The following TBX1 variants were observed in gnomAD, a reference collection of about 807,000 sequenced individuals.
The protein encoded by TBX1 is T-box transcription factor TBX1.
In TBX1, 16 loss-of-function variants were observed where a neutral mutation model predicts 40.8. The observed-to-expected ratio is 0.39, with a 90% CI of 0.27 to 0.60. TBX1 has a LOEUF of 0.60. Ranked by LOEUF, TBX1 falls within the 20% of genes least tolerant of loss-of-function variation. TBX1 has a pLI of 0.51. For missense variants in TBX1, 755 were observed against 728.5 expected (o/e 1.04, Z -0.42); for synonymous variants, 403 against 336.8 (o/e 1.20, Z -2.15).
rs1360989561 is a variant in TBX1, at chr22:19,765,992, C to T, written c.1026C>T (p.Gly342=). 1.1e-5 allele frequency: 17 copies of T among 1,511,566 alleles called. No homozygotes were observed. Among genetic ancestry groups the T allele is most frequent in the Non-Finnish European group, 1.4e-5 (16 of 1,136,104 alleles). 93.6% of individuals were successfully genotyped at this position (1,511,566 alleles called of 1,614,324 possible). The part of the protein sequence containing the change: ...NPVASPTQPS[G]TEKDAAEARR... The stretch of plus-strand genomic sequence containing the variant: ...TGGCTTCCCCGACGCAGCCCAGCGG[C>T]ACGGAGAAAGGTAGGGCCGGGGTCG... The change falls in exon 6 of 7, where the codon GGC becomes GGT. Residue 342 remains glycine (G), a synonymous_variant. Transcript: ENST00000649276.
chr22:19,766,584 T>TGGAGGCGCCCGGCGCATC lies in TBX1; in HGVS notation c.1237_1254dup (p.Ala413_Glu418dup), dbSNP rs1936856830. 1 of 1,471,202 alleles carries TGGAGGCGCCCGGCGCATC rather than the reference T, an allele frequency of 6.8e-7. No individual in the cohort carries two copies. The highest frequency in any genetic ancestry group is 9.0e-7 in the Non-Finnish European group (1 of 1,115,624). 91.1% of individuals were successfully genotyped at this position (1,471,202 alleles called of 1,614,324 possible). ...AGTCCCCCGAACCCCGAGCTGCGCC[T>TGGAGGCGCCCGGCGCATC]GGAGGCGCCCGGCGCATCGGAGCCG... On this transcript the variant is annotated inframe_insertion, in exon 7 of 7. Transcript: ENST00000649276.
chr22:19,760,343 G>A (rs1314381805), upstream of TBX1, among the ~76,000 whole-genome samples: 2 of 150,264 alleles, frequency 1.3e-5, no homozygotes, highest in African/African-American at 4.9e-5. Context: ...TGGAGGAAAA[G>A]GGGAAGAGGC....
In TBX1 at chr22:19,766,888, C is replaced by T. The variant is rs371856634; in HGVS notation, c.*21C>T. ...GATAACACGGGCCCTGTCGCGCTCC[C>T]GCCCCGGTCCTGCACAGCCCCGAAG... On this transcript the variant is annotated 3_prime_UTR_variant, in exon 7 of 7. Coordinates refer to ENST00000649276, the MANE Select transcript of TBX1 (RefSeq NM_001379200.1). 1.7e-5 allele frequency: 27 copies of T among 1,583,542 alleles called. No individual in the cohort carries two copies. Among genetic ancestry groups the T allele is most frequent in the African/African-American group, 4.1e-5 (3 of 73,634 alleles).
chr22:19,765,746 A>G lies in TBX1; in HGVS notation c.868-12A>G, dbSNP rs748639207. On this transcript the variant is annotated splice_polypyrimidine_tract_variant and intron_variant, in intron 4 of 6. Coordinates refer to ENST00000649276, the MANE Select transcript of TBX1 (RefSeq NM_001379200.1). ...GGGCTCCAGCGGCTTGCTCACACCC[A>G]CCTCCCTGCAGATCACGCAGCTCAA... is the stretch of plus-strand genomic sequence containing the variant. The G allele has an allele frequency of 2.5e-6, 4 of 1,609,930 alleles. No homozygotes were observed. The highest frequency in any genetic ancestry group is 1.1e-5 in the South Asian group (1 of 90,634).
At chr22:19,783,214 T>G (rs1601311703), downstream of TBX1, 1 of 628,658 alleles carries the variant, frequency 1.6e-6, no homozygotes, top group Non-Finnish European at 2.9e-6. Context: ...AGAATGGCTG[T>G]TATGCTGCTC....
downstream of TBX1, among the ~76,000 whole-genome samples, chr22:19,768,995 C>G (rs1322281333): frequency 1.0e-5 from 1 of 97,144 alleles, no homozygotes; most frequent in African/African-American, 3.5e-5. Context: ...GAGTCGCGCT[C>G]TGTCGCCCAG....
At chr22:19,777,038 G>GT (rs963923644) in intron 8 of TBX1, among the ~76,000 whole-genome samples, 34 of 151,788 alleles carry the variant, frequency 2.2e-4, no homozygotes, top group African/African-American at 7.7e-4. Context: ...GAACATTAAG[G>GT]TTTTTTTAAA....
intron 2 of TBX1, 59 bp from the exon 3 acceptor site, chr22:19,764,096 C>G: frequency 1.3e-6 from 2 of 1,593,526 alleles, no homozygotes; most frequent in South Asian, 1.1e-5. Flanking sequence ...GCCCAGCACA[C>G]GGGTCAAGGC....
At chr22:19,779,906 G>A (rs1398276347), downstream of TBX1, among the ~76,000 whole-genome samples, 11 of 152,188 alleles carry the variant, frequency 7.2e-5, no homozygotes, top group Non-Finnish European at 1.3e-4. Context: ...GAGGCACCAC[G>A]GTGAGGCCAA....
Position 19,766,960 on chromosome 22 carries a change from T to G in TBX1, c.*93T>G. ...GCCCCAAGGGCAAGCAAGGAATACGTTCCCCCAGCCCCAGGGGCCACCGCG... is the reference window on the plus strand; with the variant it reads ...GCCCCAAGGGCAAGCAAGGAATACGGTCCCCCAGCCCCAGGGGCCACCGCG... On this transcript the variant is annotated 3_prime_UTR_variant, in exon 7 of 7. Coordinates refer to ENST00000649276, the MANE Select transcript of TBX1 (RefSeq NM_001379200.1). The G allele has an allele frequency of 1.7e-5, 26 of 1,502,078 alleles. No homozygotes were observed. The highest frequency in any genetic ancestry group is 2.6e-5 in the East Asian group (1 of 38,456). 93.0% of individuals were successfully genotyped at this position (1,502,078 alleles called of 1,614,324 possible).
At position 19,767,198 on chromosome 22, in the gene TBX1, C is replaced by G; in HGVS notation, c.*331C>G. 2 of 1,108,456 alleles carry G rather than the reference C, an allele frequency of 1.8e-6. No homozygotes were observed. The highest frequency in any genetic ancestry group is 1.1e-6 in the Non-Finnish European group (1 of 909,938). The allele number at this position is 1,108,456 out of a possible 1,614,324, so 68.7% of individuals were successfully genotyped here. On this transcript the variant is annotated 3_prime_UTR_variant, in exon 7 of 7. Transcript: ENST00000649276. ...ATTGTTCTCCCCGAGACCGCGTCGC[C>G]CGCGGCCCGGCCGGCAGTTGCAGTG... is the stretch of plus-strand genomic sequence containing the variant.
At chr22:19,780,863 A>G (rs1455331660), downstream of TBX1, among the ~76,000 whole-genome samples, 2 of 146,466 alleles carry the variant, frequency 1.4e-5, no homozygotes, top group South Asian at 2.2e-4. Flanking sequence ...GCTCACTGCA[A>G]GCTCTGCCTC....
chr22:19,777,535 C>T (rs1937084878), intron 8 of TBX1, among the ~76,000 whole-genome samples: 1 of 152,130 alleles, frequency 6.6e-6, no homozygotes, highest in African/African-American at 2.4e-5. Context: ...GTGCATGTGT[C>T]TTTATAGCAG....
chr22:19,766,771 GGCCGCC>G lies in TBX1; in HGVS notation c.1428_1433del (p.Ala484_Ala485del), dbSNP rs756680878. ...ACCACCCCGTGAGTCCAGCCGCCGC[GGCCGCC>G]GCCGCCGCTGCCGCAGCTGCCGCGG... On this transcript the variant is annotated inframe_deletion, in exon 7 of 7. Transcript: ENST00000649276. 1.4e-6 allele frequency: 2 copies of G among 1,472,990 alleles called. No individual in the cohort carries two copies. Among genetic ancestry groups the G allele is most frequent in the South Asian group, 1.3e-5 (1 of 75,496 alleles). 91.2% of individuals were successfully genotyped at this position (1,472,990 alleles called of 1,614,324 possible).
chr22:19,757,825 T>G (rs1936521062), upstream of TBX1, among the ~76,000 whole-genome samples: 2 of 152,160 alleles, frequency 1.3e-5, no homozygotes, highest in African/African-American at 4.8e-5. Flanking sequence ...TCAGTGACAC[T>G]GAGAGACATA....
chr22:19,766,385 G>A lies in TBX1; in HGVS notation c.1037-4G>A, dbSNP rs1366863159. 2 of 1,328,382 alleles carry A rather than the reference G, an allele frequency of 1.5e-6. No individual in the cohort carries two copies. The highest frequency in any genetic ancestry group is 1.8e-5 in the South Asian group (1 of 54,766). The allele number at this position is 1,328,382 out of a possible 1,614,324, so 82.3% of individuals were successfully genotyped here. On this transcript the variant is annotated splice_polypyrimidine_tract_variant and splice_region_variant and intron_variant, in intron 6 of 6. Transcript: ENST00000649276. Reference sequence around the variant, plus strand: ...CCGCGCTCACTCCTCGGCCCTCTCCGCAGACGCGGCTGAGGCCCGGCGAGA... The same window carrying A: ...CCGCGCTCACTCCTCGGCCCTCTCCACAGACGCGGCTGAGGCCCGGCGAGA...
At chr22:19,768,299 C>G (rs1482128991), downstream of TBX1, among the ~76,000 whole-genome samples, 2 of 152,248 alleles carry the variant, frequency 1.3e-5, no homozygotes, top group Non-Finnish European at 2.9e-5. Flanking sequence ...GAGGGCACAG[C>G]CAGGAGTTTC....
At chr22:19,776,919 A>T (rs1019033848) in intron 8 of TBX1, among the ~76,000 whole-genome samples, 1 of 152,126 alleles carries the variant, frequency 6.6e-6, no homozygotes, top group Non-Finnish European at 1.5e-5. Flanking sequence ...GCAAAACCAC[A>T]GTACAGAACA....
chr22:19,764,827 GA>G (rs1936779413), intron 3 of TBX1, 130 bp from the exon 4 acceptor site: 3 of 1,136,316 alleles, frequency 2.6e-6, no homozygotes, highest in Admixed American at 1.7e-5. Flanking sequence ...CCTCATCTTG[GA>G]ATTAAGGGTT....
Sources: allele counts gnomAD v4.1 joint callset (sites outside exome capture counted in the v4.1 genomes callset), GRCh38; gene constraint gnomAD v4.1.1; transcripts MANE v1.5; gene names NCBI Gene and HGNC (gene_info 2026-07-23, HGNC 2026-07-21).